Variants in ZNF454 observed in about 807,000 individuals in gnomAD.
ZNF454 encodes zinc finger protein 454.
A neutral mutation model predicts 48.2 loss-of-function variants in ZNF454; 30 were observed. The ratio of observed to expected loss-of-function variants is 0.62; its 90% confidence interval spans 0.47 to 0.84. The LOEUF (loss-of-function observed/expected upper bound fraction) is 0.84. ZNF454 is among the 40% of genes least tolerant of loss of function. The probability of loss-of-function intolerance (pLI) is 0.00; values close to 1 mark genes in which losing one functional copy is unlikely to be tolerated. For missense variants in ZNF454, 510 were observed against 623.1 expected, an observed-to-expected ratio of 0.82 and a Z score of 1.93; for synonymous variants, 204 against 211.4, an observed-to-expected ratio of 0.97 and a Z score of 0.30.
intron 4 of ZNF454, among the ~76,000 whole-genome samples, chr5:178,961,232 A>G (rs1265292287): frequency 6.6e-6 from 1 of 151,678 alleles, no homozygotes; most frequent in Non-Finnish European, 1.5e-5. Context: ...CCTGGCCCAC[A>G]ATCTTAGTTT....
the ZNF454 span, chr5:178,986,271 C>T: frequency 1.7e-5 from 28 of 1,613,964 alleles, no homozygotes; most frequent in Non-Finnish European, 2.0e-5. Flanking sequence ...AGCTGAGGGT[C>T]GTGCCCAGGC....
rs1203724227 is a variant in ZNF454 at position 178,941,789 on chromosome 5, C to T, written c.-108+345C>T. Among the ~76,000 whole-genome samples, 1 of 152,170 alleles carries T rather than the reference C, an allele frequency of 6.6e-6. No individual in the cohort carries two copies. The highest frequency in any genetic ancestry group is 2.4e-5 in the African/African-American group (1 of 41,446). The stretch of plus-strand genomic sequence containing the variant: ...CCTCCCGCCCAGCTCACACAAACGC[C>T]GCTTCTGCCCACCCGTGACTCCAGG... On this transcript the variant is annotated intron_variant, in intron 1 of 4. Coordinates refer to ENST00000519564, the MANE Select transcript of ZNF454 (RefSeq NM_001178089.3). This position sits in a 1 kb window ranked among gnomAD's most constrained non-coding sequence, Gnocchi z 5.5.
intron 4 of ZNF454, among the ~76,000 whole-genome samples, chr5:178,960,934 C>CT (rs35611675): frequency 0.27 from 38,100 of 139,412 alleles, 5,809 homozygotes; most frequent in East Asian, 0.39. Context: ...GTCTCACAAT[C>CT]TTTTTTTTTT....
the ZNF454 span, among the ~76,000 whole-genome samples, chr5:178,974,095 C>G: frequency 4.6e-5 from 7 of 152,040 alleles, no homozygotes; most frequent in African/African-American, 1.7e-4. Flanking sequence ...GGCAGGAAAA[C>G]GTGGATGCCT....
At chr5:178,988,748 G>A in the ZNF454 span, among the ~76,000 whole-genome samples, 2 of 152,132 alleles carry the variant, frequency 1.3e-5, no homozygotes, top group Non-Finnish European at 2.9e-5. The surrounding 1 kb of genome is among the most constrained non-coding windows in gnomAD (Gnocchi z 6.0). Flanking sequence ...TGAAGCCTGG[G>A]GAGGGAGCAG....
At chr5:178,974,379 C>T in the ZNF454 span, among the ~76,000 whole-genome samples, 15,404 of 151,954 alleles carry the variant, frequency 0.1, 1,047 homozygotes, top group African/African-American at 0.19. Context: ...AGTGCACTGG[C>T]GCGATCTTGG....
intron 4 of ZNF454, among the ~76,000 whole-genome samples, chr5:178,949,199 T>C (rs1759462148): frequency 1.3e-5 from 2 of 152,046 alleles, no homozygotes; most frequent in African/African-American, 4.8e-5. Context: ...TACAGGCGCC[T>C]GCCACCTCGC....
Position 178,941,465 on chromosome 5 carries a change from C to CAAAA in ZNF454, c.-108+22_-108+23insAAAA, listed in dbSNP as rs1561691065. 1.1e-5 allele frequency: 4 copies of CAAAA among 378,110 alleles called. No homozygotes were observed. Among genetic ancestry groups the CAAAA allele is most frequent in the South Asian group, 6.4e-5 (4 of 62,224 alleles). The allele number at this position is 378,110 out of a possible 1,614,324, so 23.4% of individuals were successfully genotyped here. On this transcript the variant is annotated intron_variant, in intron 1 of 4. Coordinates refer to ENST00000519564, the MANE Select transcript of ZNF454 (RefSeq NM_001178089.3). This position sits in a 1 kb window ranked among gnomAD's most constrained non-coding sequence, Gnocchi z 5.5. ...GGAATGTATGTCTGAGATTTGATCC[C>CAAAA]AGAGAGGGAGGACGGCCAGGGGTGG...
At chr5:178,973,099 C>T in the ZNF454 span, among the ~76,000 whole-genome samples, 3 of 150,978 alleles carry the variant, frequency 2.0e-5, no homozygotes, top group Non-Finnish European at 4.4e-5. Flanking sequence ...TCCTTCCTTC[C>T]TTCCTTCCTT....
chr5:178,946,825 C>G lies in ZNF454; in HGVS notation c.161-72C>G, dbSNP rs1759355495. ...TTCCCAGCAAGCTCTGAGGACCAGGCTTTGTCTTTGCAGTGATTTTTATCT... is the reference window on the plus strand; with the variant it reads ...TTCCCAGCAAGCTCTGAGGACCAGGGTTTGTCTTTGCAGTGATTTTTATCT... On this transcript the variant is annotated intron_variant, in intron 3 of 4. Coordinates refer to ENST00000519564, the MANE Select transcript of ZNF454 (RefSeq NM_001178089.3). The surrounding 1 kb of genome is among the most constrained non-coding windows in gnomAD (Gnocchi z 4.5). 2 of 1,396,928 alleles carry G rather than the reference C, an allele frequency of 1.4e-6. No individual in the cohort carries two copies. Among genetic ancestry groups the G allele is most frequent in the Non-Finnish European group, 2.0e-6 (2 of 994,362 alleles). 86.5% of individuals were successfully genotyped at this position (1,396,928 alleles called of 1,614,324 possible).
At chr5:178,971,574 G>A in the ZNF454 span, among the ~76,000 whole-genome samples, 3 of 152,010 alleles carry the variant, frequency 2.0e-5, no homozygotes, top group Non-Finnish European at 4.4e-5. Flanking sequence ...CCCCGGCTGG[G>A]CGCGGTGGCC....
the ZNF454 span, chr5:178,986,487 C>T: frequency 1.8e-5 from 29 of 1,610,320 alleles, no homozygotes; most frequent in Admixed American, 3.3e-5. Context: ...CCAGGAGGAG[C>T]GGCGGGGCTG....
At chr5:178,973,752 A>C in the ZNF454 span, among the ~76,000 whole-genome samples, 4 of 151,220 alleles carry the variant, frequency 2.6e-5, no homozygotes, top group Admixed American at 2.6e-4. Flanking sequence ...CTGAGGCAGG[A>C]GAATGGCCTG....
the ZNF454 span, among the ~76,000 whole-genome samples, chr5:178,975,258 G>A: frequency 9.2e-5 from 14 of 152,106 alleles, no homozygotes; most frequent in African/African-American, 3.4e-4. Context: ...TCCAGCCTGG[G>A]GTATAGAGTG....
chr5:178,973,985 C>T, the ZNF454 span, among the ~76,000 whole-genome samples: 1 of 151,946 alleles, frequency 6.6e-6, no homozygotes, highest in Non-Finnish European at 1.5e-5. Context: ...ATAGTTTAAA[C>T]TTATGAAGTA....
Position 178,946,329 on chromosome 5 carries a change from T to C in ZNF454, c.34-30T>C, listed in dbSNP as rs766049508. The stretch of plus-strand genomic sequence containing the variant: ...GAGAACCATGTGCAGGGGTAGCCCC[T>C]GGTCAAGGAGAATGAATTTGCTGTT... On this transcript the variant is annotated intron_variant, in intron 2 of 4. Transcript: ENST00000519564. This position sits in a 1 kb window ranked among gnomAD's most constrained non-coding sequence, Gnocchi z 4.5. 15 of 1,609,726 alleles carry C rather than the reference T, an allele frequency of 9.3e-6. No individual in the cohort carries two copies. Among genetic ancestry groups the C allele is most frequent in the South Asian group, 1.1e-5 (1 of 90,182 alleles).
At chr5:178,971,849 T>G in the ZNF454 span, among the ~76,000 whole-genome samples, 1 of 6,586 alleles carries the variant, frequency 1.5e-4, no homozygotes, top group African/African-American at 3.4e-4. Context: ...AGACTCCATC[T>G]GAAAAAAAAA....
At chr5:178,983,596 C>G in the ZNF454 span, 2 of 407,900 alleles carry the variant, frequency 4.9e-6, no homozygotes, top group Non-Finnish European at 4.9e-6. Flanking sequence ...GCCGGAAGCT[C>G]TGGAACTGAG....
chr5:178,958,811 A>T (rs1387423341), intron 4 of ZNF454, among the ~76,000 whole-genome samples: 1 of 152,156 alleles, frequency 6.6e-6, no homozygotes, highest in African/African-American at 2.4e-5. Flanking sequence ...TTACTTTTAG[A>T]ATTTCAATAC....
Sources: allele counts gnomAD v4.1 joint callset (sites outside exome capture counted in the v4.1 genomes callset), GRCh38; gene constraint gnomAD v4.1.1; non-coding constraint Gnocchi (gnomAD v3.1); transcripts MANE v1.5; gene names NCBI Gene and HGNC (gene_info 2026-07-23, HGNC 2026-07-21).